The following TMEM161B variants were observed in gnomAD, a reference collection of about 807,000 sequenced individuals.
TMEM161B encodes the protein transmembrane protein 161B.
Under a neutral mutation model 61.8 loss-of-function variants are expected in TMEM161B, and 34 were observed. The ratio of observed to expected loss-of-function variants is 0.55; its 90% CI spans 0.42 to 0.73. The LOEUF (loss-of-function observed/expected upper bound fraction) is 0.73. Among genes scored for constraint, TMEM161B ranks in the 30% least tolerant of loss-of-function variants. The pLI, the probability that TMEM161B is intolerant of heterozygous loss-of-function variation, is 0.00. For synonymous variants in TMEM161B, 167 were observed against 192.8 expected (o/e 0.87, Z 1.11); for missense variants, 456 against 558.5 (o/e 0.82, Z 1.85).
At chr5:88,254,491 C>T (rs530488099) in intron 1 of TMEM161B, among the ~76,000 whole-genome samples, 14 of 152,092 alleles carry the variant, frequency 9.2e-5, no homozygotes, top group African/African-American at 3.1e-4. Context: ...GAATGATTGC[C>T]AAGCACCTGC....
intron 2 of TMEM161B, among the ~76,000 whole-genome samples, chr5:88,230,108 C>T (rs1036602419): frequency 6.6e-6 from 1 of 151,950 alleles, no homozygotes; most frequent in Non-Finnish European, 1.5e-5. Flanking sequence ...ACTGCTTGAG[C>T]CTGAGAAGTC....
chr5:88,190,769 T>A (rs1404575545), downstream of TMEM161B, among the ~76,000 whole-genome samples: 1 of 152,248 alleles, frequency 6.6e-6, no homozygotes, highest in Non-Finnish European at 1.5e-5. Context: ...GTTGCATTCA[T>A]TTCCACTACT....
At chr5:88,251,825 T>G (rs560192029) in intron 1 of TMEM161B, among the ~76,000 whole-genome samples, 1 of 152,252 alleles carries the variant, frequency 6.6e-6, no homozygotes, top group Non-Finnish European at 1.5e-5. Flanking sequence ...CTAATATACA[T>G]CCAGTATCTT....
At chr5:88,268,581 G>C in intron 1 of TMEM161B, 140 bp downstream of exon 1, 1 of 1,133,944 alleles carries the variant, frequency 8.8e-7, no homozygotes, top group Non-Finnish European at 1.3e-6. Context: ...CCTGAGATAG[G>C]TGGTGGGTCC....
At chr5:88,211,720 G>A (rs1476162673) in intron 5 of TMEM161B, among the ~76,000 whole-genome samples, 2 of 149,884 alleles carry the variant, frequency 1.3e-5, no homozygotes, top group African/African-American at 4.9e-5. Flanking sequence ...GCAGTGAGCC[G>A]AGATCGCACC....
intron 3 of TMEM161B, among the ~76,000 whole-genome samples, chr5:88,228,181 T>C (rs992271321): frequency 1.3e-5 from 2 of 152,152 alleles, no homozygotes; most frequent in Admixed American, 6.5e-5. Context: ...TATAAGTCTC[T>C]CCCCAGTCAA....
intron 1 of TMEM161B, among the ~76,000 whole-genome samples, chr5:88,243,249 T>A (rs1007381666): frequency 5.3e-5 from 8 of 151,682 alleles, no homozygotes; most frequent in African/African-American, 1.9e-4. Flanking sequence ...CTACCTTCCA[T>A]CCTCAAGTAG....
intron 2 of TMEM161B, among the ~76,000 whole-genome samples, chr5:88,233,742 C>A (rs1018551155): frequency 2.6e-5 from 4 of 151,894 alleles, no homozygotes; most frequent in African/African-American, 4.8e-5. Flanking sequence ...GATGATGGTA[C>A]CTTTTCTGAT....
intron 5 of TMEM161B, among the ~76,000 whole-genome samples, chr5:88,211,146 C>T (rs1443413208): frequency 6.6e-6 from 1 of 151,038 alleles, no homozygotes; most frequent in Non-Finnish European, 1.5e-5. Flanking sequence ...AGTATCACAT[C>T]TTATAAAAAA....
intron 5 of TMEM161B, among the ~76,000 whole-genome samples, 195 bp downstream of exon 5, chr5:88,220,363 AGCAGG>A (rs1561351973): frequency 6.6e-6 from 1 of 152,176 alleles, no homozygotes; most frequent in Admixed American, 6.5e-5. Context: ...GATAAGAAAA[AGCAGG>A]GCACTGGCAT....
intron 1 of TMEM161B, among the ~76,000 whole-genome samples, chr5:88,260,654 T>C (rs1213596923): frequency 1.3e-5 from 2 of 152,122 alleles, no homozygotes; most frequent in Admixed American, 6.5e-5. Context: ...GGTCTCACTA[T>C]GTTGTCCAGA....
chr5:88,197,195 G>A (rs1370675894), intron 11 of TMEM161B, among the ~76,000 whole-genome samples: 1 of 152,096 alleles, frequency 6.6e-6, no homozygotes, highest in Non-Finnish European at 1.5e-5. Flanking sequence ...CACCACATGG[G>A]GACTTGATAG....
downstream of TMEM161B, among the ~76,000 whole-genome samples, chr5:88,187,616 T>C (rs1348556444): frequency 6.6e-6 from 1 of 152,206 alleles, no homozygotes. Context: ...GTTCATTGCT[T>C]GTATTCTTAC....
intron 4 of TMEM161B, among the ~76,000 whole-genome samples, chr5:88,223,560 A>G (rs1307447317): frequency 6.6e-6 from 1 of 152,204 alleles, no homozygotes; most frequent in Non-Finnish European, 1.5e-5. Flanking sequence ...TAAAACAGTT[A>G]AAAAGAAAAA....
At chr5:88,210,659 T>TG (rs1241226046) in intron 5 of TMEM161B, among the ~76,000 whole-genome samples, 1 of 152,184 alleles carries the variant, frequency 6.6e-6, no homozygotes, top group Non-Finnish European at 1.5e-5. Flanking sequence ...TGGAAACATG[T>TG]GTAGCAGTTT....
At chr5:88,232,053 T>C (rs1031118851) in intron 2 of TMEM161B, among the ~76,000 whole-genome samples, 3 of 152,316 alleles carry the variant, frequency 2.0e-5, no homozygotes, top group African/African-American at 7.2e-5. Context: ...AGCAGCCTTC[T>C]TGTGCTTACG....
chr5:88,242,960 G>C (rs1261066674), intron 1 of TMEM161B, among the ~76,000 whole-genome samples: 2 of 151,590 alleles, frequency 1.3e-5, no homozygotes, highest in African/African-American at 4.8e-5. Context: ...TTACTTATTG[G>C]ATATTATAGA....
intron 1 of TMEM161B, among the ~76,000 whole-genome samples, chr5:88,265,660 C>A (rs1371195663): frequency 6.6e-6 from 1 of 152,166 alleles, no homozygotes; most frequent in Non-Finnish European, 1.5e-5. Context: ...GAAATAATTT[C>A]TTTCCACTGT....
chr5:88,234,689 T>C (rs1751560281), intron 2 of TMEM161B, among the ~76,000 whole-genome samples: 1 of 152,180 alleles, frequency 6.6e-6, no homozygotes, highest in Non-Finnish European at 1.5e-5. Context: ...GTCATTAGAA[T>C]GTAGCATGTA....
Sources: gnomAD v4.1 joint callset for allele counts (sites outside exome capture counted in the v4.1 genomes callset) on GRCh38, gnomAD v4.1.1 for gene constraint, MANE v1.5 for transcripts, NCBI Gene and HGNC (gene_info 2026-07-23, HGNC 2026-07-21) for gene names.